Variants in NRXN3 observed in about 807,000 individuals in gnomAD.
The protein encoded by NRXN3 is neurexin 3, also known as neurexin III.
Under a neutral mutation model 137.6 loss-of-function variants are expected in NRXN3, and 32 were observed. That is an observed-to-expected ratio of 0.23 (90% CI 0.18 to 0.31). NRXN3 has a LOEUF of 0.31. Ranked by LOEUF, NRXN3 falls within the 10% of genes least tolerant of loss-of-function variation. The pLI, the probability that NRXN3 is intolerant of heterozygous loss-of-function variation, is 1.00. For missense variants in NRXN3, 1,574 were observed against 2,062.5 expected (o/e 0.76, Z 4.59); for synonymous variants, 798 against 784.5 (o/e 1.02, Z -0.29).
chr14:79,841,588 C>A (rs948208131), intron 20 of NRXN3, among the ~76,000 whole-genome samples: 3 of 152,228 alleles, frequency 2.0e-5, no homozygotes, highest in African/African-American at 7.2e-5. Flanking sequence ...CCACAGCAGG[C>A]AGAGATAACC....
At chr14:78,457,775 C>T (rs935503880) in intron 4 of NRXN3, among the ~76,000 whole-genome samples, 1 of 152,112 alleles carries the variant, frequency 6.6e-6, no homozygotes, top group African/African-American at 2.4e-5. Context: ...ACACTGCTGT[C>T]AGGGTACATA....
chr14:78,872,234 GTA>G (rs2099103142), intron 10 of NRXN3, among the ~76,000 whole-genome samples: 1 of 145,920 alleles, frequency 6.9e-6, no homozygotes, highest in South Asian at 2.1e-4. Flanking sequence ...TAATAAATAT[GTA>G]TATACATATA....
chr14:79,120,382 C>A (rs2055195282), intron 15 of NRXN3, among the ~76,000 whole-genome samples: 1 of 151,878 alleles, frequency 6.6e-6, no homozygotes, highest in African/African-American at 2.4e-5. Flanking sequence ...CATGAGTTCA[C>A]ACTGAGAAGT....
intron 16 of NRXN3, among the ~76,000 whole-genome samples, chr14:79,537,339 G>A (rs1446011842): frequency 4.0e-5 from 6 of 151,574 alleles, no homozygotes; most frequent in Non-Finnish European, 5.9e-5. Context: ...TGTGCCCAAC[G>A]TGCAGGTTAG....
chr14:78,330,446 G>A (rs57934221), intron 4 of NRXN3, among the ~76,000 whole-genome samples: 8,060 of 152,044 alleles, frequency 0.053, 447 homozygotes, highest in East Asian at 0.3. Flanking sequence ...AGGTGGGCTT[G>A]GTACACTGTT....
At chr14:78,856,313 AG>A (rs1437444214) in intron 10 of NRXN3, among the ~76,000 whole-genome samples, 1 of 152,208 alleles carries the variant, frequency 6.6e-6, no homozygotes, top group African/African-American at 2.4e-5. Context: ...GAAAATGTAA[AG>A]GATATATTCA....
intron 18 of NRXN3, among the ~76,000 whole-genome samples, chr14:79,692,699 A>C (rs1323132851): frequency 6.6e-6 from 1 of 152,030 alleles, no homozygotes; most frequent in Non-Finnish European, 1.5e-5. Flanking sequence ...AACAAACAAA[A>C]AAACAAACAA....
rs571642900 is a variant in NRXN3 at position 79,657,497 on chromosome 14, C to T, written c.3445-6281C>T. ...ATCTTCTCTGATTTAGATTTTTCAA[C>T]GGAGAGACCTGGTCTCTTACCTCTC... On this transcript the variant is annotated intron_variant, in intron 16 of 20. Transcript: ENST00000335750. 7.2e-5 allele frequency among the ~76,000 whole-genome samples: 11 copies of T among 152,254 alleles called. No homozygotes were observed. The East Asian group carries it at 9.7e-4, about 13-fold the overall frequency.
At chr14:79,506,904 T>C (rs1453653504) in intron 16 of NRXN3, among the ~76,000 whole-genome samples, 1 of 152,160 alleles carries the variant, frequency 6.6e-6, no homozygotes, top group Non-Finnish European at 1.5e-5. Context: ...TATTTATATA[T>C]CAACTATGGA....
rs536617413 is a variant in NRXN3, at chr14:78,243,561, A to T, written c.468A>T (p.Ile156=). ...DLFLGGVPTD[I]RPSALTLDGV... ...TCCTTGGTGGAGTCCCTACTGACAT[A>T]CGACCTTCTGCCCTGACCCTTGATG... Residue 156 remains isoleucine (I), a synonymous_variant, in exon 2 of 21, where the codon ATA becomes ATT. Transcript: ENST00000335750. This position sits in a 1 kb window ranked among gnomAD's most constrained non-coding sequence, Gnocchi z 4.2. 3.8e-6 allele frequency: 6 copies of T among 1,598,288 alleles called. No homozygotes were observed. In the East Asian group the frequency reaches 1.3e-4, roughly 36 times the overall value.
At chr14:78,302,742 T>G (rs1162541523) in intron 4 of NRXN3, among the ~76,000 whole-genome samples, 1 of 152,258 alleles carries the variant, frequency 6.6e-6, no homozygotes, top group Admixed American at 6.5e-5. Context: ...ATTTCCCACC[T>G]GCCTTATCAC....
intron 15 of NRXN3, among the ~76,000 whole-genome samples, chr14:79,402,105 T>C (rs906180710): frequency 1.3e-5 from 2 of 152,020 alleles, no homozygotes; most frequent in Non-Finnish European, 2.9e-5. Flanking sequence ...ATTTTATTTT[T>C]TTTTATTTTT....
intron 4 of NRXN3, among the ~76,000 whole-genome samples, chr14:78,613,667 G>A (rs536388348): frequency 1.3e-4 from 19 of 150,288 alleles, no homozygotes; most frequent in African/African-American, 4.7e-4. Context: ...AGGTGGGAGG[G>A]TTAGAGACAG....
rs560868485 is a variant in NRXN3 at position 79,514,034 on chromosome 14, A to G, written c.3444+46632A>G. ...ACAGAGAAATATAGAAAATTAATATACTACATCATGCAACCTGCTTCTAAA... is the reference window on the plus strand; with the variant it reads ...ACAGAGAAATATAGAAAATTAATATGCTACATCATGCAACCTGCTTCTAAA... On this transcript the variant is annotated intron_variant, in intron 16 of 20. Transcript: ENST00000335750. 2.6e-5 allele frequency among the ~76,000 whole-genome samples: 4 copies of G among 152,342 alleles called. No individual in the cohort carries two copies. In the East Asian group the frequency reaches 7.7e-4, roughly 29 times the overall value.
intron 19 of NRXN3, among the ~76,000 whole-genome samples, chr14:79,798,032 T>C (rs1471635077): frequency 3.3e-5 from 5 of 150,458 alleles, no homozygotes; most frequent in Non-Finnish European, 5.9e-5. Flanking sequence ...CCCAAGGAGG[T>C]CAAGGCTGCA....
intron 4 of NRXN3, among the ~76,000 whole-genome samples, chr14:78,520,756 G>A (rs2096273320): frequency 6.6e-6 from 1 of 152,156 alleles, no homozygotes; most frequent in Non-Finnish European, 1.5e-5. Flanking sequence ...GATGCAGTTG[G>A]GAACGATTAC....
At chr14:78,223,394 G>T (rs2064086384) in intron 1 of NRXN3, among the ~76,000 whole-genome samples, 2 of 152,190 alleles carry the variant, frequency 1.3e-5, no homozygotes, top group Admixed American at 1.3e-4. Context: ...GGAAATGTGG[G>T]CTTGACTAAT....
At chr14:79,702,346 G>A (rs912143027) in intron 19 of NRXN3, among the ~76,000 whole-genome samples, 3 of 152,034 alleles carry the variant, frequency 2.0e-5, no homozygotes, top group Non-Finnish European at 4.4e-5. Flanking sequence ...AAGAGGGTTT[G>A]ACATGAGCTA....
chr14:78,217,253 T>A (rs1343090356), intron 1 of NRXN3, among the ~76,000 whole-genome samples: 3 of 152,192 alleles, frequency 2.0e-5, no homozygotes, highest in African/African-American at 7.2e-5. Context: ...AATGAACAAT[T>A]GACATATATT....
Sources: gnomAD v4.1 joint callset for allele counts (sites outside exome capture counted in the v4.1 genomes callset) on GRCh38, gnomAD v4.1.1 for gene constraint, Gnocchi (gnomAD v3.1) non-coding constraint, MANE v1.5 for transcripts, NCBI Gene and HGNC (gene_info 2026-07-23, HGNC 2026-07-21) for gene names.